Variants in HDAC2 observed in about 807,000 individuals in gnomAD.
The protein encoded by HDAC2 is histone deacetylase 2, also known as YY1-associated factor 1.
In HDAC2, 5 loss-of-function variants were observed where a neutral mutation model predicts 68.5. The ratio of observed to expected loss-of-function variants is 0.07; its 90% confidence interval spans 0.04 to 0.15. HDAC2 has a LOEUF of 0.15. Among genes scored for constraint, HDAC2 ranks in the 10% least tolerant of loss-of-function variants. The pLI is 1.00. For missense variants in HDAC2, 291 were observed against 600.8 expected (o/e 0.48, Z 5.39); for synonymous variants, 182 against 191.3 (o/e 0.95, Z 0.40).
chr6:113,956,175 C>A (rs1291862549), intron 4 of HDAC2, 24 bp from the exon 5 acceptor site: 3 of 1,568,294 alleles, frequency 1.9e-6, no homozygotes, highest in Non-Finnish European at 2.6e-6. Flanking sequence ...ACAAGATAGA[C>A]CTTTTAAACA....
intron 1 of HDAC2, 188 bp downstream of exon 1, chr6:113,970,669 A>T: frequency 7.6e-7 from 1 of 1,315,152 alleles, no homozygotes; most frequent in South Asian, 1.9e-5. Flanking sequence ...GCCCGCAGGA[A>T]CCGCGGGGGC....
intron 1 of HDAC2, among the ~76,000 whole-genome samples, chr6:113,969,350 A>G (rs1776917758): frequency 6.6e-6 from 1 of 152,230 alleles, no homozygotes; most frequent in African/African-American, 2.4e-5. Flanking sequence ...TGGTTATTTT[A>G]TATGTATCAG....
At position 113,971,130 on chromosome 6, in the gene HDAC2, A is replaced by G; in HGVS notation, c.-222T>C. The G allele has an allele frequency of 6.5e-7, 1 of 1,531,594 alleles. No homozygotes were observed. The highest frequency in any genetic ancestry group is 8.8e-7 in the Non-Finnish European group (1 of 1,135,916). The allele number at this position is 1,531,594 out of a possible 1,614,324, so 94.9% of individuals were successfully genotyped here. On this transcript the variant is annotated 5_prime_UTR_variant, in exon 1 of 14. Transcript: ENST00000519065. ...GCTCGGAATCGGAGGTGGCAGCGGC[A>G]CCAACTCGCGAGGAGGGGGCCACCA...
In HDAC2 at chr6:113,970,936, G is replaced by T. The variant is rs979705649; in HGVS notation, c.-28C>A. The T allele has an allele frequency of 2.6e-6, 4 of 1,552,474 alleles. No homozygotes were observed. The Admixed American group carries it at 5.9e-5, about 23-fold the overall frequency. ...GCTCCCCGGCCACCGCCGCCACCGG[G>T]CTCCTCCTCCTGCTGCTGCTGCTGC... On this transcript the variant is annotated 5_prime_UTR_variant, in exon 1 of 14. Transcript: ENST00000519065.
chr6:113,946,223 A>AT, intron 8 of HDAC2, 75 bp from the exon 9 acceptor site: 3 of 1,233,042 alleles, frequency 2.4e-6, no homozygotes, highest in Non-Finnish European at 3.4e-6. Context: ...TAAAAAGATA[A>AT]TAAGTGCAAA....
At chr6:113,967,682 A>G (rs908160895) in intron 1 of HDAC2, among the ~76,000 whole-genome samples, 3 of 152,244 alleles carry the variant, frequency 2.0e-5, no homozygotes, top group Non-Finnish European at 4.4e-5. Flanking sequence ...ATGTCTAGAT[A>G]CAGTATTAAA....
intron 13 of HDAC2, 123 bp downstream of exon 13, chr6:113,941,585 C>A: frequency 2.4e-6 from 1 of 423,002 alleles, no homozygotes; most frequent in Non-Finnish European, 4.2e-6. Flanking sequence ...ATTCAGAGCA[C>A]CTCATAATGA....
At chr6:113,962,836 C>T (rs1324030517) in intron 1 of HDAC2, among the ~76,000 whole-genome samples, 2 of 151,226 alleles carry the variant, frequency 1.3e-5, no homozygotes, top group African/African-American at 2.4e-5. Flanking sequence ...TGGTGGCATG[C>T]GCCTGTAGTC....
At chr6:113,962,145 G>A (rs1776698197) in intron 1 of HDAC2, among the ~76,000 whole-genome samples, 1 of 151,392 alleles carries the variant, frequency 6.6e-6, no homozygotes, top group Non-Finnish European at 1.5e-5. Context: ...GCACTATTAA[G>A]TACTTCACAT....
At chr6:113,967,798 CTAAT>C (rs1776859146) in intron 1 of HDAC2, among the ~76,000 whole-genome samples, 1 of 152,118 alleles carries the variant, frequency 6.6e-6, no homozygotes, top group Admixed American at 6.5e-5. Context: ...TAGTGACTAT[CTAAT>C]TAGCTGTATC....
At position 113,953,453 on chromosome 6, in the gene HDAC2, T is replaced by C. The variant is rs769002858; in HGVS notation, c.498-35A>G. ...AATCCATAAGTTTTGGTTTTTCCTT[T>C]AAAGGTTCTAAGATGGGAAGAAGCA... On this transcript the variant is annotated intron_variant, in intron 5 of 13. Coordinates refer to ENST00000519065, the MANE Select transcript of HDAC2 (RefSeq NM_001527.4). 4.1e-5 allele frequency: 57 copies of C among 1,381,674 alleles called. 1 individual carries two copies. The Admixed American group carries it at 1.1e-3, about 26-fold the overall frequency. 85.6% of individuals were successfully genotyped at this position (1,381,674 alleles called of 1,614,324 possible). A position where few individuals can be genotyped will look rare whatever the true frequency, so the allele number is the denominator to read the frequency against.
chr6:113,956,918 G>A, intron 3 of HDAC2: 2 of 444,788 alleles, frequency 4.5e-6, no homozygotes, highest in Non-Finnish European at 8.1e-6. Context: ...AGGATTATCT[G>A]TGGAATATTT....
Position 113,939,833 on chromosome 6 carries a change from G to A in HDAC2, c.*1225C>T, listed in dbSNP as rs992032302. The A allele has an allele frequency of 9.2e-5, 14 of 152,128 alleles. No homozygotes were observed. Among genetic ancestry groups the A allele is most frequent in the African/African-American group, 3.4e-4 (14 of 41,412 alleles). 9.4% of individuals were successfully genotyped at this position (152,128 alleles called of 1,614,324 possible). On this transcript the variant is annotated 3_prime_UTR_variant, in exon 14 of 14. Coordinates refer to ENST00000519065, the MANE Select transcript of HDAC2 (RefSeq NM_001527.4). ...CACAGCTGTTCATTACAAAAGTCTA[G>A]GTGCTATTGTGAATGTCTGAAACAT...
intron 1 of HDAC2, among the ~76,000 whole-genome samples, chr6:113,962,633 C>T (rs560971505): frequency 3.9e-5 from 6 of 152,278 alleles, no homozygotes; most frequent in African/African-American, 1.2e-4. Context: ...TACATGTATA[C>T]AGGGCAGCCA....
At chr6:113,948,736 C>T in intron 8 of HDAC2, 1 of 414,778 alleles carries the variant, frequency 2.4e-6, no homozygotes, top group Non-Finnish European at 4.3e-6. Context: ...TCAAAAATAG[C>T]TGCCTTGGGT....
rs116464467 is a variant in HDAC2 at position 113,960,746 on chromosome 6, T to C, written c.53-728A>G. Reference sequence around the variant, plus strand: ...TAAATTTCAATAAAATTAATACTTTTAGGTAAAGCTCCAGTGTTTCCTATA... The same window carrying C: ...TAAATTTCAATAAAATTAATACTTTCAGGTAAAGCTCCAGTGTTTCCTATA... On this transcript the variant is annotated intron_variant, in intron 1 of 13. Transcript: ENST00000519065. Among the ~76,000 whole-genome samples, 486 of 152,194 alleles carry C rather than the reference T, an allele frequency of 3.2e-3. 6 individuals are homozygous for C. The highest frequency in any genetic ancestry group is 0.011 in the African/African-American group (468 of 41,560).
chr6:113,946,183 G>A (rs1776259465), intron 8 of HDAC2, 35 bp from the exon 9 acceptor site: 8 of 1,574,356 alleles, frequency 5.1e-6, no homozygotes, highest in Non-Finnish European at 6.1e-6. Context: ...AACAAAATCT[G>A]CATACTGCAA....
At chr6:113,952,681 T>C (rs1159894911) in intron 6 of HDAC2, among the ~76,000 whole-genome samples, 1 of 152,024 alleles carries the variant, frequency 6.6e-6, no homozygotes, top group Non-Finnish European at 1.5e-5. Context: ...CTTATAGAAA[T>C]AGGATTTGAC....
At chr6:113,961,893 A>G (rs537154941) in intron 1 of HDAC2, among the ~76,000 whole-genome samples, 13 of 152,308 alleles carry the variant, frequency 8.5e-5, no homozygotes, top group African/African-American at 3.1e-4. Context: ...CCTAAAACAG[A>G]AAAGACACAA....
Sources: allele counts gnomAD v4.1 joint callset (sites outside exome capture counted in the v4.1 genomes callset), GRCh38; gene constraint gnomAD v4.1.1; transcripts MANE v1.5; gene names NCBI Gene and HGNC (gene_info 2026-07-23, HGNC 2026-07-21).